Variants in LDLRAD3 observed in about 807,000 individuals in gnomAD.
The protein encoded by LDLRAD3 is low-density lipoprotein receptor class A domain-containing protein 3.
LDLRAD3 carries 20 observed loss-of-function variants against 29.4 expected under a neutral mutation model. That is an observed-to-expected ratio of 0.68 (90% CI 0.48 to 0.99). LDLRAD3 has a LOEUF of 0.99. LDLRAD3 is among the 50% of genes least tolerant of loss of function. The pLI, the probability that LDLRAD3 is intolerant of heterozygous loss-of-function variation, is 0.00. For synonymous variants in LDLRAD3, 157 were observed against 192.7 expected (o/e 0.81, Z 1.53); for missense variants, 420 against 454.3 (o/e 0.92, Z 0.69).
intron 1 of LDLRAD3, among the ~76,000 whole-genome samples, chr11:36,000,517 C>G (rs1369571978): frequency 1.3e-5 from 2 of 152,042 alleles, no homozygotes; most frequent in African/African-American, 4.8e-5. Flanking sequence ...GAAATGATGG[C>G]AGAATACTAA....
At chr11:35,976,623 T>C (rs1002752667) in intron 1 of LDLRAD3, among the ~76,000 whole-genome samples, 1 of 152,032 alleles carries the variant, frequency 6.6e-6, no homozygotes, top group African/African-American at 2.4e-5. Context: ...ACTTCATTCA[T>C]CATGAAACTT....
chr11:36,151,872 A>G (rs1316452173), intron 4 of LDLRAD3, among the ~76,000 whole-genome samples: 1 of 152,198 alleles, frequency 6.6e-6, no homozygotes, highest in Non-Finnish European at 1.5e-5. Context: ...TAGTACCACT[A>G]CAAGGAAATG....
rs1435412470 is a variant in LDLRAD3 at position 36,083,153 on chromosome 11, G to A, written c.319+1375G>A. 5.9e-5 allele frequency among the ~76,000 whole-genome samples: 9 copies of A among 152,228 alleles called. No individual in the cohort carries two copies. The East Asian group carries it at 1.2e-3, about 20-fold the overall frequency. Reference sequence around the variant, plus strand: ...TCGGCCAGTGTGATACAATCGTTACGATCAAACCTGTGTTAACACATCAAG... The same window carrying A: ...TCGGCCAGTGTGATACAATCGTTACAATCAAACCTGTGTTAACACATCAAG... On this transcript the variant is annotated intron_variant, in intron 3 of 5. Transcript: ENST00000315571.
chr11:35,972,982 G>A (rs1590696648), intron 1 of LDLRAD3, among the ~76,000 whole-genome samples: 2 of 151,332 alleles, frequency 1.3e-5, no homozygotes. Flanking sequence ...GAACCCGGGA[G>A]GCAGAGGTTG....
intron 2 of LDLRAD3, among the ~76,000 whole-genome samples, chr11:36,073,967 G>A (rs1346184170): frequency 6.6e-6 from 1 of 152,122 alleles, no homozygotes; most frequent in Non-Finnish European, 1.5e-5. Context: ...TTCACTTCTG[G>A]ACCTCAGTTT....
Position 36,213,226 on chromosome 11 carries a change from C to T in LDLRAD3, c.455-13859C>T, listed in dbSNP as rs1855307760. Among the ~76,000 whole-genome samples, 1 of 152,204 alleles carries T rather than the reference C, an allele frequency of 6.6e-6. No individual in the cohort carries two copies. The highest frequency in any genetic ancestry group is 1.5e-5 in the Non-Finnish European group (1 of 68,040). The stretch of plus-strand genomic sequence containing the variant: ...GGCAGATGGGTCTCCTCTCTCATTT[C>T]CCTCTGGCTTGGGGCCAGGATGGCC... On this transcript the variant is annotated intron_variant, in intron 4 of 5. Transcript: ENST00000315571. This position sits in a 1 kb window ranked among gnomAD's most constrained non-coding sequence, Gnocchi z 4.1.
chr11:36,201,797 A>G (rs1229267863), intron 4 of LDLRAD3, among the ~76,000 whole-genome samples: 2 of 152,222 alleles, frequency 1.3e-5, no homozygotes, highest in Non-Finnish European at 2.9e-5. Flanking sequence ...AAAATATAAA[A>G]GAGGCAGTTG....
intron 1 of LDLRAD3, among the ~76,000 whole-genome samples, chr11:35,978,859 C>A (rs1851506343): frequency 6.6e-6 from 1 of 152,138 alleles, no homozygotes; most frequent in Non-Finnish European, 1.5e-5. Context: ...TTATGCTTAT[C>A]CTCTGAGGGG....
chr11:36,057,184 G>T (rs1481359629), intron 2 of LDLRAD3, among the ~76,000 whole-genome samples: 2 of 152,172 alleles, frequency 1.3e-5, no homozygotes, highest in African/African-American at 4.8e-5. Context: ...AGTGTCCCAG[G>T]AACCACACTA....
At chr11:36,104,247 A>C (rs978314377) in intron 4 of LDLRAD3, among the ~76,000 whole-genome samples, 1 of 152,170 alleles carries the variant, frequency 6.6e-6, no homozygotes, top group African/African-American at 2.4e-5. Context: ...CAATAGCCAC[A>C]TGAGTGAGGT....
In LDLRAD3 at chr11:36,230,292, C is replaced by G. The variant is rs931922071; in HGVS notation, c.*895C>G. 1 of 152,304 alleles carries G rather than the reference C, an allele frequency of 6.6e-6. No homozygotes were observed. Among genetic ancestry groups the G allele is most frequent in the Non-Finnish European group, 1.5e-5 (1 of 68,090 alleles). The allele number at this position is 152,304 out of a possible 1,614,324, so 9.4% of individuals were successfully genotyped here. On this transcript the variant is annotated 3_prime_UTR_variant, in exon 6 of 6. Coordinates refer to ENST00000315571, the MANE Select transcript of LDLRAD3 (RefSeq NM_174902.4). ...GACCTAACTTGAGTTGGCCCAAAGT[C>G]TGACCTGGCTGTATGTCCCTGTGGC...
chr11:35,988,206 C>T (rs765080828), intron 1 of LDLRAD3, among the ~76,000 whole-genome samples: 9 of 152,052 alleles, frequency 5.9e-5, no homozygotes, highest in South Asian at 2.1e-4. Context: ...TACAGGCATG[C>T]GCCACTATGC....
chr11:35,957,851 C>T (rs890604445), intron 1 of LDLRAD3, among the ~76,000 whole-genome samples: 1 of 146,346 alleles, frequency 6.8e-6, no homozygotes, highest in East Asian at 2.0e-4. Context: ...CCGTACACAT[C>T]TGTGTTATTT....
At chr11:36,023,129 A>ATTT (rs1852119077) in intron 1 of LDLRAD3, among the ~76,000 whole-genome samples, 1 of 152,190 alleles carries the variant, frequency 6.6e-6, no homozygotes, top group Non-Finnish European at 1.5e-5. Context: ...CTCACTGGTT[A>ATTT]ATATGCACAC....
intron 4 of LDLRAD3, among the ~76,000 whole-genome samples, chr11:36,190,420 A>G (rs1337878825): frequency 1.3e-5 from 2 of 152,182 alleles, no homozygotes; most frequent in Non-Finnish European, 2.9e-5. Context: ...GGATTGCTTG[A>G]TCCCAGGAGT....
chr11:36,072,637 G>A (rs1220520585), intron 2 of LDLRAD3, among the ~76,000 whole-genome samples: 7 of 152,222 alleles, frequency 4.6e-5, no homozygotes, highest in Non-Finnish European at 1.0e-4. Flanking sequence ...GGACTCTAGA[G>A]CAGAAGAACT....
chr11:35,969,200 A>G (rs1054267633), intron 1 of LDLRAD3, among the ~76,000 whole-genome samples: 3 of 152,172 alleles, frequency 2.0e-5, no homozygotes, highest in Admixed American at 1.3e-4. Flanking sequence ...CTTCATGTCC[A>G]TGGAGGCTTC....
At chr11:36,135,978 C>T (rs1472273471) in intron 4 of LDLRAD3, among the ~76,000 whole-genome samples, 1 of 152,178 alleles carries the variant, frequency 6.6e-6, no homozygotes, top group Admixed American at 6.5e-5. Context: ...CAAAAGTACC[C>T]AACCAAGGAA....
intron 1 of LDLRAD3, among the ~76,000 whole-genome samples, chr11:35,991,062 G>A (rs1851682881): frequency 6.6e-6 from 1 of 152,200 alleles, no homozygotes; most frequent in Non-Finnish European, 1.5e-5. Context: ...GAATTCTGCG[G>A]TCTTTTCAGA....
Sources: allele counts gnomAD v4.1 joint callset (sites outside exome capture counted in the v4.1 genomes callset), GRCh38; gene constraint gnomAD v4.1.1; non-coding constraint Gnocchi (gnomAD v3.1); transcripts MANE v1.5; gene names NCBI Gene and HGNC (gene_info 2026-07-23, HGNC 2026-07-21).